Variants in FRMD4B observed in about 807,000 individuals in gnomAD.
FRMD4B encodes the protein FERM domain-containing protein 4B.
In FRMD4B, 74 loss-of-function variants were observed where a neutral mutation model predicts 141.5. The observed-to-expected ratio is 0.52, with a 90% CI of 0.43 to 0.63. The LOEUF is 0.63. Among genes scored for constraint, FRMD4B ranks in the 30% least tolerant of loss-of-function variants. The pLI is 0.00. For missense variants in FRMD4B, 1,366 were observed against 1,253.4 expected (o/e 1.09, Z -1.36); for synonymous variants, 506 against 467.9 (o/e 1.08, Z -1.05).
upstream of FRMD4B, among the ~76,000 whole-genome samples, chr3:69,389,973 C>T (rs1004748277): frequency 1.3e-5 from 2 of 151,694 alleles, no homozygotes; most frequent in African/African-American, 2.4e-5. Context: ...CCCTGCAATA[C>T]ACTGTAATTT....
At chr3:69,273,578 C>T (rs1431361683) in intron 5 of FRMD4B, among the ~76,000 whole-genome samples, 1 of 152,196 alleles carries the variant, frequency 6.6e-6, no homozygotes, top group Non-Finnish European at 1.5e-5. Flanking sequence ...CTGAAAATGT[C>T]TAATTTTATG....
chr3:69,393,451 A>C (rs1364880075), intron 2 of FRMD4B, among the ~76,000 whole-genome samples: 1 of 152,174 alleles, frequency 6.6e-6, no homozygotes, highest in African/African-American at 2.4e-5. Flanking sequence ...TTATCTGTCT[A>C]GATGTAAAAG....
At chr3:69,474,571 C>G (rs1304492762) in intron 1 of FRMD4B, among the ~76,000 whole-genome samples, 1 of 152,156 alleles carries the variant, frequency 6.6e-6, no homozygotes, top group African/African-American at 2.4e-5. Flanking sequence ...GCCCCAAAAG[C>G]TACAAGTCTA....
At chr3:69,239,475 AG>A (rs2093367152) in intron 7 of FRMD4B, among the ~76,000 whole-genome samples, 1 of 152,196 alleles carries the variant, frequency 6.6e-6, no homozygotes, top group African/African-American at 2.4e-5. Context: ...TCTAAACGTC[AG>A]CCAGCTCCCT....
chr3:69,175,156 T>A (rs2092629695), intron 22 of FRMD4B, among the ~76,000 whole-genome samples: 1 of 152,172 alleles, frequency 6.6e-6, no homozygotes, highest in African/African-American at 2.4e-5. Flanking sequence ...ATTCTCAAAT[T>A]TACCAGCATA....
At chr3:69,199,712 G>A (rs1045846695) in intron 11 of FRMD4B, among the ~76,000 whole-genome samples, 1 of 152,222 alleles carries the variant, frequency 6.6e-6, no homozygotes, top group African/African-American at 2.4e-5. Context: ...TGTACACTCT[G>A]ATATACACAC....
intron 5 of FRMD4B, among the ~76,000 whole-genome samples, chr3:69,283,429 CA>C (rs59444542): frequency 0.17 from 23,381 of 139,326 alleles, 2,153 homozygotes; most frequent in East Asian, 0.37. Context: ...GCAACAACAA[CA>C]AAAAAAAAAA....
intron 11 of FRMD4B, chr3:69,200,904 T>C: frequency 2.2e-6 from 1 of 455,250 alleles, no homozygotes. Flanking sequence ...AAACCAGGGC[T>C]GGACTTGAAA....
At chr3:69,477,594 G>A (rs1400042839) in intron 1 of FRMD4B, among the ~76,000 whole-genome samples, 1 of 150,844 alleles carries the variant, frequency 6.6e-6, no homozygotes, top group Non-Finnish European at 1.5e-5. Context: ...TGTGCTGCTA[G>A]ATTTGGTTTG....
chr3:69,327,853 T>C (rs1472412812), intron 1 of FRMD4B, among the ~76,000 whole-genome samples: 1 of 152,212 alleles, frequency 6.6e-6, no homozygotes, highest in East Asian at 1.9e-4. Context: ...AGAAGAAATA[T>C]TTCCTCTCAA....
intron 3 of FRMD4B, 146 bp downstream of exon 3, chr3:69,311,117 G>GA (rs1701571648): frequency 4.0e-6 from 2 of 497,258 alleles, no homozygotes; most frequent in Non-Finnish European, 7.3e-6. Context: ...AATCCTAGGA[G>GA]AAAAATCGCA....
chr3:69,363,278 T>A (rs1427953737), intron 1 of FRMD4B, among the ~76,000 whole-genome samples: 2 of 132,596 alleles, frequency 1.5e-5, no homozygotes, highest in East Asian at 2.2e-4. Context: ...TAGAGATGGG[T>A]CTTGCCATGT....
At chr3:69,229,324 C>T (rs1347816646) in intron 7 of FRMD4B, among the ~76,000 whole-genome samples, 4 of 152,076 alleles carry the variant, frequency 2.6e-5, no homozygotes, top group African/African-American at 7.2e-5. Flanking sequence ...CCATGGCCAG[C>T]CCCCCAAAAT....
chr3:69,421,615 A>T (rs1704979512), intron 2 of FRMD4B, among the ~76,000 whole-genome samples: 1 of 152,226 alleles, frequency 6.6e-6, no homozygotes, highest in Non-Finnish European at 1.5e-5. Context: ...CTTGTCCCAT[A>T]AGCTAGTCAC....
intron 1 of FRMD4B, among the ~76,000 whole-genome samples, chr3:69,436,837 G>A (rs1052031200): frequency 6.6e-6 from 1 of 152,120 alleles, no homozygotes; most frequent in Non-Finnish European, 1.5e-5. Context: ...AATGAAATAG[G>A]CCAGACATGA....
At chr3:69,299,166 A>T (rs968510253) in intron 4 of FRMD4B, among the ~76,000 whole-genome samples, 1 of 152,196 alleles carries the variant, frequency 6.6e-6, no homozygotes, top group African/African-American at 2.4e-5. Flanking sequence ...TAATGAATGA[A>T]GGAAGGAAGA....
At chr3:69,372,285 C>CT (rs1206403734) in intron 1 of FRMD4B, among the ~76,000 whole-genome samples, 5 of 152,194 alleles carry the variant, frequency 3.3e-5, no homozygotes, top group African/African-American at 9.7e-5. Context: ...AGGGCAGGGC[C>CT]TACCTCTGTC....
Position 69,187,800 on chromosome 3 carries a change from T to C in FRMD4B, c.1889A>G (p.Asn630Ser), listed in dbSNP as rs763449095. The C allele has an allele frequency of 9.3e-6, 15 of 1,612,696 alleles. No homozygotes were observed. In the Admixed American group the frequency reaches 1.0e-4, roughly 11 times the overall value. ...ERIHFRKSSINEQFVDTRQSR... is the reference protein window; with the variant it reads ...ERIHFRKSSISEQFVDTRQSR... ...CTGCCTGGTATCCACAAACTGTTCA[T>C]TGATGGACGACTTTCTGAAATGGAT... is the stretch of plus-strand genomic sequence containing the variant. The change falls in exon 19 of 23, where the codon AAT (asparagine) becomes AGT (serine). Residue 630 changes from asparagine to serine, a missense_variant. Coordinates refer to ENST00000398540, the MANE Select transcript of FRMD4B (RefSeq NM_015123.3).
chr3:69,241,520 A>C (rs1435820181), intron 7 of FRMD4B, among the ~76,000 whole-genome samples: 1 of 152,228 alleles, frequency 6.6e-6, no homozygotes, highest in Non-Finnish European at 1.5e-5. Flanking sequence ...TAAGACAAAA[A>C]CGTTTCATTT....
Sources: gnomAD v4.1 joint callset for allele counts (sites outside exome capture counted in the v4.1 genomes callset) on GRCh38, gnomAD v4.1.1 for gene constraint, MANE v1.5 for transcripts, NCBI Gene and HGNC (gene_info 2026-07-23, HGNC 2026-07-21) for gene names.